Variants in DOCK1 observed in about 807,000 individuals in gnomAD.
DOCK1 encodes the protein dedicator of cytokinesis protein 1.
DOCK1 carries 138 observed loss-of-function variants against 262.7 expected under a neutral mutation model. That is an observed-to-expected ratio of 0.53 (90% CI 0.46 to 0.61). The LOEUF (loss-of-function observed/expected upper bound fraction) is 0.61. Among genes scored for constraint, DOCK1 ranks in the 20% least tolerant of loss-of-function variants. DOCK1 has a pLI of 0.00. For missense variants in DOCK1, 1,908 were observed against 2,370.7 expected (o/e 0.80, Z 4.05); for synonymous variants, 866 against 867.4 (o/e 1.00, Z 0.03).
chr10:127,173,553 T>G (rs1225247237), intron 27 of DOCK1, among the ~76,000 whole-genome samples: 1 of 152,206 alleles, frequency 6.6e-6, no homozygotes, highest in Non-Finnish European at 1.5e-5. Context: ...AGTATGCACA[T>G]TAGTGTACAT....
At chr10:127,363,069 A>ACG in intron 33 of DOCK1, among the ~76,000 whole-genome samples, 1 of 140,484 alleles carries the variant, frequency 7.1e-6, no homozygotes, top group Non-Finnish European at 1.5e-5. Flanking sequence ...ATCCCCACAT[A>ACG]TACACATATG....
At chr10:127,070,817 A>G (rs1474221137) in intron 23 of DOCK1, among the ~76,000 whole-genome samples, 1 of 151,724 alleles carries the variant, frequency 6.6e-6, no homozygotes, top group Non-Finnish European at 1.5e-5. Context: ...CATTATAATC[A>G]ACTCCCAGCT....
intron 4 of DOCK1, among the ~76,000 whole-genome samples, chr10:126,986,672 G>T (rs1351274528): frequency 6.6e-6 from 1 of 152,206 alleles, no homozygotes; most frequent in East Asian, 1.9e-4. Context: ...CACTTTGGGA[G>T]GCTGAGGTGG....
chr10:126,925,890 GGGGTTGGAGTGGGAT>G (rs71032532), intron 1 of DOCK1, among the ~76,000 whole-genome samples: 18,600 of 151,956 alleles, frequency 0.12, 1,542 homozygotes, highest in East Asian at 0.36. Context: ...TGTGTTGGGT[GGGGTTGGAGTGGGAT>G]GGGTTGAGCT....
intron 46 of DOCK1, among the ~76,000 whole-genome samples, chr10:127,421,979 C>G (rs1056278127): frequency 6.6e-6 from 1 of 151,902 alleles, no homozygotes; most frequent in Non-Finnish European, 1.5e-5. Context: ...TTCAATACTC[C>G]CATAGTTTGG....
At chr10:127,450,259 G>A (rs769280225) in intron 51 of DOCK1, among the ~76,000 whole-genome samples, 4 of 152,150 alleles carry the variant, frequency 2.6e-5, no homozygotes, top group African/African-American at 9.7e-5. Context: ...AAATCTGGGC[G>A]ATGAGTGAGA....
chr10:126,947,606 T>TTGG (rs2035598025), intron 1 of DOCK1, among the ~76,000 whole-genome samples: 6 of 80,576 alleles, frequency 7.4e-5, no homozygotes, highest in Non-Finnish European at 1.2e-4. Context: ...AGTATTACTG[T>TTGG]TGGTGATGGT....
rs150792398 is a variant in DOCK1, at chr10:127,116,972, A to G, written c.2623+6618A>G. On this transcript the variant is annotated intron_variant, in intron 25 of 51. Transcript: ENST00000623213. ...TTCTGTTTCTTTCATGCCTTGAGAA[A>G]ACTTTTTATCTGTAATACTGCACCT... 1.2e-4 allele frequency among the ~76,000 whole-genome samples: 18 copies of G among 152,312 alleles called. No individual in the cohort carries two copies. In the East Asian group the frequency reaches 1.3e-3, roughly 11 times the overall value.
At chr10:127,320,056 G>A (rs1372239679) in intron 29 of DOCK1, among the ~76,000 whole-genome samples, 1 of 152,170 alleles carries the variant, frequency 6.6e-6, no homozygotes, top group Admixed American at 6.5e-5. Flanking sequence ...CAACAAGTTA[G>A]AAGCCAGAGC....
chr10:126,951,885 T>C (rs2036281714), intron 1 of DOCK1, among the ~76,000 whole-genome samples: 1 of 150,954 alleles, frequency 6.6e-6, no homozygotes, highest in Non-Finnish European at 1.5e-5. Context: ...GTTTCACTAT[T>C]GTCACCCAGG....
intron 29 of DOCK1, among the ~76,000 whole-genome samples, chr10:127,287,337 G>A (rs1260137943): frequency 1.3e-5 from 2 of 151,742 alleles, no homozygotes; most frequent in Non-Finnish European, 2.9e-5. Context: ...CTATAGGTGT[G>A]CACCACCATG....
chr10:127,116,089 A>G (rs940503263), intron 25 of DOCK1, among the ~76,000 whole-genome samples: 6 of 152,072 alleles, frequency 3.9e-5, no homozygotes, highest in Non-Finnish European at 7.4e-5. Context: ...CTTTTCTGTA[A>G]GCCTGCTCTG....
At chr10:127,326,592 G>A (rs771264653) in intron 29 of DOCK1, among the ~76,000 whole-genome samples, 56 of 152,208 alleles carry the variant, frequency 3.7e-4, no homozygotes, top group Non-Finnish European at 6.5e-4. Context: ...GTCTTGAACC[G>A]GTCAAAGTCA....
chr10:126,921,129 G>A (rs1259879079), intron 1 of DOCK1, among the ~76,000 whole-genome samples: 1 of 151,108 alleles, frequency 6.6e-6, no homozygotes, highest in East Asian at 1.9e-4. Context: ...GAATCTGGGA[G>A]GCAGAGGTTG....
In DOCK1 at chr10:126,990,504, T is replaced by C; in HGVS notation, c.374T>C (p.Leu125Pro). The C allele has an allele frequency of 6.2e-7, 1 of 1,613,538 alleles. No individual in the cohort carries two copies. The highest frequency in any genetic ancestry group is 8.5e-7 in the Non-Finnish European group (1 of 1,179,712). Residue 125 changes from leucine (L) to proline (P), a missense_variant, in exon 6 of 52, where the codon CTT becomes CCT. Physicochemically the swap from Leu to Pro is moderately conservative, Grantham distance 98. This residue lies in a region of DOCK1 where 227 missense variants were observed against 254.1 expected (regional missense o/e 0.89). Coordinates refer to ENST00000623213, the MANE Select transcript of DOCK1 (RefSeq NM_001290223.2). ...FRSVRHMIYDLIEWRSQILSG... is the reference protein window; with the variant it reads ...FRSVRHMIYDPIEWRSQILSG... ...AGTGTGCGGCACATGATCTATGACCTTATTGAATGGCGATCACAAATTCTT... is the reference window on the plus strand; with the variant it reads ...AGTGTGCGGCACATGATCTATGACCCTATTGAATGGCGATCACAAATTCTT...
At chr10:127,231,106 A>G (rs916200804) in intron 27 of DOCK1, among the ~76,000 whole-genome samples, 3 of 152,152 alleles carry the variant, frequency 2.0e-5, no homozygotes, top group African/African-American at 7.2e-5. Flanking sequence ...TGCAACTTTC[A>G]TTAAACAACC....
chr10:127,295,978 T>C (rs914739707), intron 29 of DOCK1, among the ~76,000 whole-genome samples: 1 of 152,180 alleles, frequency 6.6e-6, no homozygotes. Context: ...AGGGGCCTAT[T>C]AGGGGAGACA....
chr10:127,300,148 G>T (rs72836451), intron 29 of DOCK1, among the ~76,000 whole-genome samples: 1,846 of 152,212 alleles, frequency 0.012, 15 homozygotes, highest in Non-Finnish European at 0.019. Flanking sequence ...GGGAAGTTCC[G>T]CAGGCCAGCT....
At chr10:127,338,907 A>G (rs896766683) in intron 29 of DOCK1, 99 bp from the exon 30 acceptor site, 17 of 1,063,290 alleles carry the variant, frequency 1.6e-5, no homozygotes, top group African/African-American at 1.6e-4. Context: ...GAGAGTTCAC[A>G]TTCCAGACAG....
Sources: gnomAD v4.1 joint callset for allele counts (sites outside exome capture counted in the v4.1 genomes callset) on GRCh38, gnomAD v4.1.1 for gene constraint, gnomAD v4.1.1 regional missense constraint, MANE v1.5 for transcripts, NCBI Gene and HGNC (gene_info 2026-07-23, HGNC 2026-07-21) for gene names.